The following ZBTB44 variants were observed in gnomAD, a reference collection of about 807,000 sequenced individuals.
The protein encoded by ZBTB44 is zinc finger and BTB domain-containing protein 44.
ZBTB44 carries 15 observed loss-of-function variants against 54.0 expected under a neutral mutation model. The ratio of observed to expected loss-of-function variants is 0.28; its 90% CI spans 0.19 to 0.43. The LOEUF (loss-of-function observed/expected upper bound fraction) is 0.43. ZBTB44 is among the 20% of genes least tolerant of loss of function. The probability of loss-of-function intolerance (pLI) is 1.00; values close to 1 mark genes in which losing one functional copy is unlikely to be tolerated. For synonymous variants in ZBTB44, 230 were observed against 250.1 expected, an observed-to-expected ratio of 0.92 and a Z score of 0.76; for missense variants, 487 against 707.1, an observed-to-expected ratio of 0.69 and a Z score of 3.53.
At chr11:130,266,242 C>T (rs1939240690) in intron 1 of ZBTB44, among the ~76,000 whole-genome samples, 2 of 152,230 alleles carry the variant, frequency 1.3e-5, no homozygotes, top group Non-Finnish European at 2.9e-5. Context: ...GATGACAGCA[C>T]ATCTATTTAC....
intron 2 of ZBTB44, among the ~76,000 whole-genome samples, chr11:130,242,368 C>A (rs933712570): frequency 6.6e-6 from 1 of 152,132 alleles, no homozygotes; most frequent in Non-Finnish European, 1.5e-5. Context: ...TCTGATTAAG[C>A]CCCACAAACA....
chr11:130,281,394 C>T (rs1461363597), intron 1 of ZBTB44, among the ~76,000 whole-genome samples: 4 of 151,894 alleles, frequency 2.6e-5, no homozygotes, highest in African/African-American at 7.3e-5. Flanking sequence ...GTAACATAAG[C>T]CTGTGGCTCC....
In ZBTB44 at chr11:130,283,969, C is replaced by CAAAAAAAAA. The variant is rs71061377; in HGVS notation, c.-56-22049_-56-22041dup. On this transcript the variant is annotated intron_variant, in intron 1 of 7. Coordinates refer to ENST00000357899, the MANE Select transcript of ZBTB44 (RefSeq NM_001301098.2). Reference sequence around the variant, plus strand: ...TGGGTGACAGAGTAAGACTCCATCTCAAAAAAAAAAAAAAAAAAAAAAAAA... The same window carrying CAAAAAAAAA: ...TGGGTGACAGAGTAAGACTCCATCTCAAAAAAAAAAAAAAAAAAAAAAAAAAAAAAAAAA... 2.0e-3 allele frequency among the ~76,000 whole-genome samples: 89 copies of CAAAAAAAAA among 45,164 alleles called. 14 individuals carry two copies. Among genetic ancestry groups the CAAAAAAAAA allele is most frequent in the African/African-American group, 6.4e-3 (56 of 8,722 alleles). 29.6% of individuals were successfully genotyped at this position (45,164 alleles called of 152,430 possible). A position where few individuals can be genotyped will look rare whatever the true frequency, so the allele number is the denominator to read the frequency against.
rs964992584 is a variant in ZBTB44, at chr11:130,296,756, G to A, written c.-57+17619C>T. The stretch of plus-strand genomic sequence containing the variant: ...CTCAGCTTGAGAAATTGATTGAAAA[G>A]AACTACTTTCTTTGTAAGTCAGCCC... On this transcript the variant is annotated intron_variant, in intron 1 of 7. Transcript: ENST00000357899. 8 of 825,558 alleles carry A rather than the reference G, an allele frequency of 9.7e-6. No homozygotes were observed. In the Admixed American group the frequency reaches 1.4e-4, roughly 14 times the overall value. 51.1% of individuals were successfully genotyped at this position (825,558 alleles called of 1,614,324 possible). A position where few individuals can be genotyped will look rare whatever the true frequency, so the allele number is the denominator to read the frequency against.
chr11:130,256,866 CT>C (rs1938483424), intron 2 of ZBTB44, among the ~76,000 whole-genome samples: 1 of 152,030 alleles, frequency 6.6e-6, no homozygotes, highest in Non-Finnish European at 1.5e-5. Flanking sequence ...CTCACCACCC[CT>C]ATTCAACACA....
At chr11:130,254,276 C>G (rs1477465111) in intron 2 of ZBTB44, among the ~76,000 whole-genome samples, 4 of 152,118 alleles carry the variant, frequency 2.6e-5, no homozygotes, top group African/African-American at 9.7e-5. Context: ...TCAGAGTGAA[C>G]AGGCAACCTA....
At chr11:130,249,565 G>A (rs1240310693) in intron 2 of ZBTB44, among the ~76,000 whole-genome samples, 1 of 152,138 alleles carries the variant, frequency 6.6e-6, no homozygotes, top group African/African-American at 2.4e-5. Context: ...CAACACAGAA[G>A]GCAGGTGTCT....
rs576639034 is a variant in ZBTB44 at position 130,296,654 on chromosome 11, T to A, written c.-57+17721A>T. Reference sequence around the variant, plus strand: ...CATTTTGGGCCCAGAATAATTGGGTTTTCTTCTACTTGAAACAATCCAAGG... The same window carrying A: ...CATTTTGGGCCCAGAATAATTGGGTATTCTTCTACTTGAAACAATCCAAGG... On this transcript the variant is annotated intron_variant, in intron 1 of 7. Transcript: ENST00000357899. 20 of 970,830 alleles carry A rather than the reference T, an allele frequency of 2.1e-5. No individual in the cohort carries two copies. The African/African-American group carries it at 2.9e-4, about 14-fold the overall frequency. 60.1% of individuals were successfully genotyped at this position (970,830 alleles called of 1,614,324 possible).
rs78310383 is a variant in ZBTB44 at position 130,295,510 on chromosome 11, G to A, written c.-57+18865C>T. ...CTAAAGAAACAGAAAATAACGTAGA[G>A]AAGCCAGATAATGATGAAGATGACA... On this transcript the variant is annotated intron_variant, in intron 1 of 7. Coordinates refer to ENST00000357899, the MANE Select transcript of ZBTB44 (RefSeq NM_001301098.2). 3.9e-3 allele frequency: 2,730 copies of A among 703,070 alleles called. 57 individuals are homozygous for A. In the African/African-American group the frequency reaches 0.044, roughly 11 times the overall value. The allele number at this position is 703,070 out of a possible 1,614,324, so 43.6% of individuals were successfully genotyped here.
At chr11:130,239,631 G>GA (rs573931712) in intron 3 of ZBTB44, 181 bp downstream of exon 3, 4,670 of 408,226 alleles carry the variant, frequency 0.011, no homozygotes, top group South Asian at 0.016. Flanking sequence ...AAATGCTGGG[G>GA]AAAAAAAAAA....
At chr11:130,270,496 G>A (rs11222021) in intron 1 of ZBTB44, among the ~76,000 whole-genome samples, 5,018 of 152,218 alleles carry the variant, frequency 0.033, 255 homozygotes, top group African/African-American at 0.11. Context: ...AGGAAACTGA[G>A]GCCAGAAAAT....
chr11:130,238,017 A>C (rs1954185706), intron 4 of ZBTB44, among the ~76,000 whole-genome samples: 1 of 152,248 alleles, frequency 6.6e-6, no homozygotes, highest in African/African-American at 2.4e-5. Flanking sequence ...ATTGAAAGTA[A>C]ATTAGCAAGA....
intron 1 of ZBTB44, among the ~76,000 whole-genome samples, chr11:130,273,956 C>T (rs1939867943): frequency 7.5e-6 from 1 of 132,888 alleles, no homozygotes; most frequent in African/African-American, 2.8e-5. Context: ...GACGTGGTGG[C>T]ACATGCCTGT....
intron 1 of ZBTB44, among the ~76,000 whole-genome samples, chr11:130,275,795 T>C (rs1940019225): frequency 6.6e-6 from 1 of 152,072 alleles, no homozygotes; most frequent in South Asian, 2.1e-4. Flanking sequence ...GCCCAGATAA[T>C]TTTTGTATTT....
intron 2 of ZBTB44, among the ~76,000 whole-genome samples, chr11:130,243,163 A>C (rs1393729104): frequency 6.6e-6 from 1 of 152,234 alleles, no homozygotes; most frequent in Non-Finnish European, 1.5e-5. Flanking sequence ...AAGCATATTT[A>C]CTTTATATCT....
intron 1 of ZBTB44, among the ~76,000 whole-genome samples, chr11:130,290,020 T>C (rs560552740): frequency 1.7e-4 from 26 of 152,356 alleles, no homozygotes; most frequent in African/African-American, 5.5e-4. Flanking sequence ...AATTTGTGAA[T>C]GATACCTTTA....
intron 1 of ZBTB44, chr11:130,296,369 CTA>C: frequency 1.3e-6 from 2 of 1,531,882 alleles, no homozygotes; most frequent in South Asian, 2.5e-5. Context: ...TGAAATACCA[CTA>C]TGAGTTGCTG....
intron 2 of ZBTB44, among the ~76,000 whole-genome samples, chr11:130,255,233 T>A (rs1223110445): frequency 6.6e-6 from 1 of 151,908 alleles, no homozygotes; most frequent in Non-Finnish European, 1.5e-5. Context: ...TAAATAATAA[T>A]ATAATAATAA....
intron 1 of ZBTB44, among the ~76,000 whole-genome samples, chr11:130,305,861 A>G (rs1210966426): frequency 6.6e-6 from 1 of 152,228 alleles, no homozygotes; most frequent in East Asian, 1.9e-4. Context: ...ACAAAGGACT[A>G]ATATCCAGAA....
Sources: allele counts gnomAD v4.1 joint callset (sites outside exome capture counted in the v4.1 genomes callset), GRCh38; gene constraint gnomAD v4.1.1; transcripts MANE v1.5; gene names NCBI Gene and HGNC (gene_info 2026-07-23, HGNC 2026-07-21).